Variants in CLGN observed in about 807,000 individuals in gnomAD.
The protein encoded by CLGN is calmegin, also known as testis tissue sperm-binding protein Li 79P.
A neutral mutation model predicts 79.1 loss-of-function variants in CLGN; 62 were observed. The ratio of observed to expected loss-of-function variants is 0.78; its 90% confidence interval spans 0.64 to 0.97. The LOEUF is 0.97. Among genes scored for constraint, CLGN ranks in the 50% least tolerant of loss-of-function variants. CLGN has a pLI of 0.00. For missense variants in CLGN, 647 were observed against 715.5 expected, an observed-to-expected ratio of 0.90 and a Z score of 1.09; for synonymous variants, 225 against 224.7, an observed-to-expected ratio of 1.00 and a Z score of -0.01.
chr4:140,390,560 G>C (rs1184420658), intron 14 of CLGN, 68 bp downstream of exon 14: 2 of 982,310 alleles, frequency 2.0e-6, no homozygotes, highest in Admixed American at 2.6e-5. Flanking sequence ...AAATCATATT[G>C]GTGCTTTTAT....
At chr4:140,396,903 A>ATATATG (rs1553944643) in intron 8 of CLGN, among the ~76,000 whole-genome samples, 3 of 66,328 alleles carry the variant, frequency 4.5e-5, no homozygotes, top group African/African-American at 1.5e-4. Flanking sequence ...ATATATATAT[A>ATATATG]TATGTATATA....
chr4:140,423,729 ACTT>A (rs1729512409), intron 1 of CLGN, among the ~76,000 whole-genome samples: 1 of 152,142 alleles, frequency 6.6e-6, no homozygotes, highest in South Asian at 2.1e-4. Flanking sequence ...CAGATTTTCT[ACTT>A]CTTCATGATT....
intron 1 of CLGN, among the ~76,000 whole-genome samples, chr4:140,425,250 T>C (rs1729542377): frequency 6.6e-6 from 1 of 152,226 alleles, no homozygotes; most frequent in African/African-American, 2.4e-5. Context: ...AAAAACTTCC[T>C]ATAATTATGA....
At position 140,390,286 on chromosome 4, in the gene CLGN, TATA is replaced by T. The variant is rs776378613; in HGVS notation, c.1752+339_1752+341del. Among the ~76,000 whole-genome samples, 127 of 151,742 alleles carry T rather than the reference TATA, an allele frequency of 8.4e-4. 1 individual carries two copies. Among genetic ancestry groups the T allele is most frequent in the Middle Eastern group, 3.2e-3 (1 of 316 alleles). On this transcript the variant is annotated intron_variant, in intron 14 of 14. Transcript: ENST00000325617. ...GATGTTTTACAACAGCTATAAAAAT[TATA>T]ATAATGATAATTATCTTTTAAATAT...
At chr4:140,425,458 G>C (rs1331968650) in intron 1 of CLGN, among the ~76,000 whole-genome samples, 4 of 151,384 alleles carry the variant, frequency 2.6e-5, no homozygotes, top group Non-Finnish European at 5.9e-5. Flanking sequence ...GTGTGTGTGT[G>C]TGTGTGTGTG....
At position 140,409,819 on chromosome 4, in the gene CLGN, C is replaced by G; in HGVS notation, c.277+18G>C. The G allele has an allele frequency of 6.6e-7, 1 of 1,522,876 alleles. No homozygotes were observed. The highest frequency in any genetic ancestry group is 9.0e-7 in the Non-Finnish European group (1 of 1,105,252). The allele number at this position is 1,522,876 out of a possible 1,614,324, so 94.3% of individuals were successfully genotyped here. A position where few individuals can be genotyped will look rare whatever the true frequency, so the allele number is the denominator to read the frequency against. On this transcript the variant is annotated intron_variant, in intron 4 of 14. Transcript: ENST00000325617. Reference sequence around the variant, plus strand: ...CAGGCCATACTGGTTATATCTAATACTTAAATAAATATTTTACCATCGTAT... The same window carrying G: ...CAGGCCATACTGGTTATATCTAATAGTTAAATAAATATTTTACCATCGTAT...
intron 1 of CLGN, among the ~76,000 whole-genome samples, chr4:140,422,269 T>G (rs531873840): frequency 8.9e-4 from 136 of 152,290 alleles, no homozygotes; most frequent in Non-Finnish European, 1.6e-3. Context: ...TCCCTTGAGA[T>G]TCTATATGAA....
intron 2 of CLGN, among the ~76,000 whole-genome samples, chr4:140,412,602 T>C (rs901271019): frequency 2.6e-5 from 4 of 152,152 alleles, no homozygotes; most frequent in Admixed American, 2.6e-4. Flanking sequence ...TATATAGCCT[T>C]TTATTTGAAA....
In CLGN at chr4:140,393,836, T is replaced by G; in HGVS notation, c.1355A>C (p.Asn452Thr). The G allele has an allele frequency of 6.2e-7, 1 of 1,613,496 alleles. No homozygotes were observed. The highest frequency in any genetic ancestry group is 1.1e-5 in the South Asian group (1 of 91,044). The stretch of plus-strand genomic sequence containing the variant: ...TGGTCAACACCATACCTTATTAGCA[T>G]TTGCTATCATTATTTTCCATCTCCA... ...DGWRWKIMIA[N>T]ANKPGVLKQL... The change falls in exon 11 of 15, where the codon AAT becomes ACT. Residue 452 changes from asparagine (N) to threonine (T), a missense_variant. Asn to Thr is a moderately conservative substitution (Grantham distance 65). Coordinates refer to ENST00000325617, the MANE Select transcript of CLGN (RefSeq NM_004362.3).
intron 1 of CLGN, among the ~76,000 whole-genome samples, chr4:140,421,761 TTG>T (rs1729474728): frequency 6.6e-6 from 1 of 152,132 alleles, no homozygotes; most frequent in Admixed American, 6.5e-5. Flanking sequence ...TTTCATTTTG[TTG>T]TGTTCTTTGA....
At chr4:140,419,322 G>A (rs1163391626) in intron 1 of CLGN, among the ~76,000 whole-genome samples, 2 of 151,876 alleles carry the variant, frequency 1.3e-5, no homozygotes, top group African/African-American at 4.8e-5. Context: ...CCTGCACAAT[G>A]TGCACATGTA....
chr4:140,425,251 A>G (rs989111635), intron 1 of CLGN, among the ~76,000 whole-genome samples: 1 of 152,138 alleles, frequency 6.6e-6, no homozygotes, highest in Non-Finnish European at 1.5e-5. Context: ...AAAACTTCCT[A>G]TAATTATGAA....
At chr4:140,402,206 A>C (rs1237672474) in intron 5 of CLGN, 140 bp from the exon 6 acceptor site, 1 of 462,542 alleles carries the variant, frequency 2.2e-6, no homozygotes, top group East Asian at 3.5e-5. Flanking sequence ...GCATATCTAC[A>C]ACCTATAGGA....
intron 8 of CLGN, among the ~76,000 whole-genome samples, chr4:140,397,930 C>G (rs961709391): frequency 6.6e-6 from 1 of 151,902 alleles, no homozygotes; most frequent in Non-Finnish European, 1.5e-5. Flanking sequence ...AAAAACAAAA[C>G]ACTTAGTAAA....
chr4:140,392,767 T>A, intron 11 of CLGN, 56 bp from the exon 12 acceptor site: 2 of 1,462,244 alleles, frequency 1.4e-6, no homozygotes, highest in East Asian at 4.9e-5. Context: ...CTTTACTGGG[T>A]AACACAAGAT....
intron 1 of CLGN, among the ~76,000 whole-genome samples, chr4:140,413,386 C>T (rs1729251089): frequency 1.3e-5 from 2 of 152,198 alleles, no homozygotes; most frequent in South Asian, 4.1e-4. Context: ...CTCCCGTCTA[C>T]AGCTCCCAGT....
rs2175563 is a variant in CLGN, at chr4:140,398,867, C to T, written c.868G>A (p.Val290Ile). ...ERAKIPDPSAVKPEDWDESEP... is the reference protein window; with the variant it reads ...ERAKIPDPSAIKPEDWDESEP... ...TTTGCTTACCAGTCTTCTGGTTTGA[C>T]GGCAGAAGGATCAGGAATTTTTGCT... is the stretch of plus-strand genomic sequence containing the variant. Residue 290 changes from valine (V) to isoleucine (I), a missense_variant, in exon 8 of 15, where the codon GTC becomes ATC. Transcript: ENST00000325617. The T allele has an allele frequency of 0.048, 77,533 of 1,613,410 alleles. 2,382 individuals are homozygous for T. The highest frequency in any genetic ancestry group is 0.11 in the Middle Eastern group (667 of 6,058).
Position 140,399,553 on chromosome 4 carries a change from G to A in CLGN, c.695-513C>T, listed in dbSNP as rs547652179. On this transcript the variant is annotated intron_variant, in intron 7 of 14. Coordinates refer to ENST00000325617, the MANE Select transcript of CLGN (RefSeq NM_004362.3). ...ACATCTGATATTGAAGATGAAATGG[G>A]CATTGCCCGAGCAGACAAAATGAAT... Among the ~76,000 whole-genome samples, 485 of 152,294 alleles carry A rather than the reference G, an allele frequency of 3.2e-3. 5 individuals carry two copies. Among genetic ancestry groups the A allele is most frequent in the African/African-American group, 0.011 (458 of 41,556 alleles).
At chr4:140,427,118 C>G (rs200388716) in intron 1 of CLGN, among the ~76,000 whole-genome samples, 1 of 151,894 alleles carries the variant, frequency 6.6e-6, no homozygotes, top group Non-Finnish European at 1.5e-5. Flanking sequence ...GAGAGCGCCC[C>G]GGGCTCAAGC....
Sources: allele counts gnomAD v4.1 joint callset (sites outside exome capture counted in the v4.1 genomes callset), GRCh38; gene constraint gnomAD v4.1.1; transcripts MANE v1.5; gene names NCBI Gene and HGNC (gene_info 2026-07-23, HGNC 2026-07-21).